The following VPS53 variants were observed in gnomAD, a reference collection of about 807,000 sequenced individuals.
The protein encoded by VPS53 is VPS53 subunit of GARP complex.
Under a neutral mutation model 107.0 loss-of-function variants are expected in VPS53, and 70 were observed. The observed-to-expected ratio is 0.65, with a 90% confidence interval of 0.54 to 0.80. The LOEUF is 0.80. VPS53 is among the 30% of genes least tolerant of loss of function. The probability of loss-of-function intolerance (pLI) is 0.00; values close to 1 mark genes in which losing one functional copy is unlikely to be tolerated. For synonymous variants in VPS53, 409 were observed against 393.3 expected (o/e 1.04, Z -0.47); for missense variants, 917 against 1,049.4 (o/e 0.87, Z 1.74).
At chr17:680,259 A>C (rs1194187629) in intron 4 of VPS53, among the ~76,000 whole-genome samples, 1 of 152,190 alleles carries the variant, frequency 6.6e-6, no homozygotes, top group East Asian at 1.9e-4. Flanking sequence ...GCACTACTGC[A>C]CTCCAGCCTG....
intron 7 of VPS53, among the ~76,000 whole-genome samples, chr17:634,288 G>C (rs1251972611): frequency 6.6e-6 from 1 of 152,104 alleles, no homozygotes; most frequent in Non-Finnish European, 1.5e-5. Context: ...ACAGCACCTG[G>C]TATCACCAGA....
At chr17:626,325 A>G (rs1415102648) in intron 10 of VPS53, among the ~76,000 whole-genome samples, 1 of 152,094 alleles carries the variant, frequency 6.6e-6, no homozygotes, top group African/African-American at 2.4e-5. Context: ...GGCTACACTC[A>G]TGGATAACGT....
intron 4 of VPS53, among the ~76,000 whole-genome samples, chr17:664,635 A>G (rs1230645829): frequency 1.3e-5 from 2 of 152,192 alleles, no homozygotes; most frequent in African/African-American, 4.8e-5. Flanking sequence ...GCTTACTTGT[A>G]TAAGACTGTC....
At chr17:710,442 G>C in intron 2 of VPS53, 91 bp downstream of exon 2, 1 of 946,932 alleles carries the variant, frequency 1.1e-6, no homozygotes, top group Non-Finnish European at 1.7e-6. Context: ...TGTATCAAGG[G>C]CCCGTAGATG....
At position 710,469 on chromosome 17, in the gene VPS53, G is replaced by A. The variant is rs534759631; in HGVS notation, c.168+64C>T. The A allele has an allele frequency of 2.4e-4, 309 of 1,292,916 alleles. 1 individual carries two copies. The highest frequency in any genetic ancestry group is 3.6e-4 in the South Asian group (30 of 82,858). The allele number at this position is 1,292,916 out of a possible 1,614,324, so 80.1% of individuals were successfully genotyped here. A position where few individuals can be genotyped will look rare whatever the true frequency, so the allele number is the denominator to read the frequency against. On this transcript the variant is annotated intron_variant, in intron 2 of 21. Coordinates refer to ENST00000437048, the MANE Select transcript of VPS53 (RefSeq NM_001128159.3). ...CCGTAGATGATCTAGTGTAACACAC[G>A]AAGCATAACACCCAAGATGTGCCAA... is the stretch of plus-strand genomic sequence containing the variant.
At chr17:597,338 A>G (rs1031199633) in intron 12 of VPS53, among the ~76,000 whole-genome samples, 3 of 152,094 alleles carry the variant, frequency 2.0e-5, no homozygotes, top group Non-Finnish European at 4.4e-5. Flanking sequence ...CCCCCACCCC[A>G]AGAGGTCTGC....
intron 11 of VPS53, among the ~76,000 whole-genome samples, chr17:622,162 A>G (rs1969493504): frequency 6.6e-6 from 1 of 152,052 alleles, no homozygotes; most frequent in Non-Finnish European, 1.5e-5. Context: ...CAGTGGGCCG[A>G]TATCGCCCCA....
At chr17:577,632 G>C (rs763713638) in intron 13 of VPS53, among the ~76,000 whole-genome samples, 5 of 150,914 alleles carry the variant, frequency 3.3e-5, no homozygotes, top group Non-Finnish European at 7.4e-5. Flanking sequence ...TGCGTTCCCA[G>C]AGAATCTCCC....
chr17:535,684 G>A (rs1395360073), intron 18 of VPS53, among the ~76,000 whole-genome samples: 1 of 152,174 alleles, frequency 6.6e-6, no homozygotes, highest in East Asian at 1.9e-4. Flanking sequence ...GTCACGATGT[G>A]ATTTATCAGC....
rs527730509 is a variant in VPS53 at position 683,552 on chromosome 17, G to GA, written c.285+13865dup. Among the ~76,000 whole-genome samples the GA allele has an allele frequency of 4.9e-4, 74 of 152,292 alleles. No homozygotes were observed. In the East Asian group the frequency reaches 0.01, roughly 21 times the overall value. On this transcript the variant is annotated intron_variant, in intron 4 of 21. Coordinates refer to ENST00000437048, the MANE Select transcript of VPS53 (RefSeq NM_001128159.3). ...CATGAGGCAGAACAAATATGGTACA[G>GA]AAAAAACTCAGATCTAAGGAGATAA...
chr17:656,945 C>G, intron 5 of VPS53: 1 of 1,131,304 alleles, frequency 8.8e-7, no homozygotes, highest in Non-Finnish European at 1.3e-6. Flanking sequence ...GCTGTTGCCA[C>G]TGGTGTCTTT....
chr17:560,088 G>A (rs1328138089), intron 15 of VPS53, among the ~76,000 whole-genome samples: 1 of 152,194 alleles, frequency 6.6e-6, no homozygotes, highest in Non-Finnish European at 1.5e-5. Context: ...CCAAAGGCTG[G>A]GTCCTAGCAC....
At chr17:620,358 G>T (rs1969417499) in intron 11 of VPS53, among the ~76,000 whole-genome samples, 1 of 152,230 alleles carries the variant, frequency 6.6e-6, no homozygotes, top group Non-Finnish European at 1.5e-5. Flanking sequence ...GGGACAAAGA[G>T]GGAATTGCAC....
intron 13 of VPS53, among the ~76,000 whole-genome samples, chr17:567,655 C>T (rs1009760964): frequency 1.3e-5 from 2 of 151,922 alleles, no homozygotes; most frequent in South Asian, 2.1e-4. Context: ...CGTCCATCAC[C>T]ATGCATGGCT....
At chr17:525,809 C>T (rs1006567066) in intron 19 of VPS53, among the ~76,000 whole-genome samples, 2 of 151,752 alleles carry the variant, frequency 1.3e-5, no homozygotes, top group African/African-American at 4.8e-5. Flanking sequence ...ACCAGCCTGG[C>T]CAACATGGTG....
At chr17:566,048 A>G (rs1204800636) in intron 13 of VPS53, among the ~76,000 whole-genome samples, 1 of 151,398 alleles carries the variant, frequency 6.6e-6, no homozygotes, top group Non-Finnish European at 1.5e-5. Flanking sequence ...CTAAAAATAC[A>G]AAAAAATTAG....
chr17:628,739 C>T (rs769841949), intron 8 of VPS53, among the ~76,000 whole-genome samples: 1 of 152,176 alleles, frequency 6.6e-6, no homozygotes, highest in Admixed American at 6.5e-5. Context: ...TCCCTTAACA[C>T]ATAAAACCAG....
At chr17:526,380 T>C (rs1380484829) in intron 19 of VPS53, among the ~76,000 whole-genome samples, 2 of 152,216 alleles carry the variant, frequency 1.3e-5, no homozygotes, top group East Asian at 3.8e-4. Flanking sequence ...GTCCCTCATA[T>C]ACAGGGAGAT....
chr17:564,067 T>A (rs1037469875), intron 13 of VPS53, among the ~76,000 whole-genome samples: 1 of 151,324 alleles, frequency 6.6e-6, no homozygotes, highest in East Asian at 2.0e-4. Context: ...CTGGCCAACA[T>A]GGCAAAACCC....
Sources: gnomAD v4.1 joint callset for allele counts (sites outside exome capture counted in the v4.1 genomes callset) on GRCh38, gnomAD v4.1.1 for gene constraint, MANE v1.5 for transcripts, NCBI Gene and HGNC (gene_info 2026-07-23, HGNC 2026-07-21) for gene names.